The following DNAJC1 variants were observed in gnomAD, a reference collection of about 807,000 sequenced individuals.
DNAJC1 encodes DnaJ heat shock protein family (Hsp40) member C1, also known as dnaJ homolog subfamily C member 1.
Under a neutral mutation model 76.6 loss-of-function variants are expected in DNAJC1, and 58 were observed. The ratio of observed to expected loss-of-function variants is 0.76; its 90% CI spans 0.61 to 0.94. DNAJC1 has a LOEUF of 0.94. Among genes scored for constraint, DNAJC1 ranks in the 40% least tolerant of loss-of-function variants. The probability of loss-of-function intolerance (pLI) is 0.00; values close to 1 mark genes in which losing one functional copy is unlikely to be tolerated. For missense variants in DNAJC1, 689 were observed against 677.3 expected, an observed-to-expected ratio of 1.02 and a Z score of -0.19; for synonymous variants, 258 against 267.9, an observed-to-expected ratio of 0.96 and a Z score of 0.36.
At position 21,990,921 on chromosome 10, in the gene DNAJC1, G is replaced by A. The variant is rs1169174119; in HGVS notation, c.222+12292C>T. Among the ~76,000 whole-genome samples, 9 of 152,208 alleles carry A rather than the reference G, an allele frequency of 5.9e-5. No individual in the cohort carries two copies. In the South Asian group the frequency reaches 8.3e-4, roughly 14 times the overall value. On this transcript the variant is annotated intron_variant, in intron 1 of 11. Transcript: ENST00000376980. ...TACAAAAGGTAAAGGCAAAAAGATC[G>A]TTAATTAATCATTCAGTTCAAAGTA...
chr10:21,835,626 C>G (rs573265326), intron 8 of DNAJC1, among the ~76,000 whole-genome samples: 1 of 152,206 alleles, frequency 6.6e-6, no homozygotes, highest in South Asian at 2.1e-4. Flanking sequence ...CAGTGAAGTC[C>G]TTAAAGGACC....
intron 1 of DNAJC1, among the ~76,000 whole-genome samples, chr10:21,950,214 C>T (rs963480900): frequency 5.3e-5 from 8 of 152,174 alleles, no homozygotes; most frequent in African/African-American, 9.7e-5. Context: ...ATTTTTCCAA[C>T]AGCATGTATT....
chr10:21,960,304 C>T (rs1837766883), intron 1 of DNAJC1, among the ~76,000 whole-genome samples: 1 of 152,014 alleles, frequency 6.6e-6, no homozygotes, highest in Non-Finnish European at 1.5e-5. Flanking sequence ...CAGGAAAGAA[C>T]AGAATCAAAA....
chr10:21,810,831 C>T (rs1186070887), intron 8 of DNAJC1, among the ~76,000 whole-genome samples: 1 of 152,122 alleles, frequency 6.6e-6, no homozygotes, highest in African/African-American at 2.4e-5. Context: ...ACTAAGGACC[C>T]ATACCCAATA....
chr10:21,898,010 A>C (rs1185247678), intron 7 of DNAJC1, among the ~76,000 whole-genome samples: 3 of 152,246 alleles, frequency 2.0e-5, no homozygotes, highest in African/African-American at 7.2e-5. Flanking sequence ...ACTAATAAGT[A>C]AATTCAGCAA....
At chr10:21,911,040 A>AAAGGAAGGAAGGAAGGAAGGAAGG (rs56239918) in intron 6 of DNAJC1, among the ~76,000 whole-genome samples, 1 of 130,026 alleles carries the variant, frequency 7.7e-6, no homozygotes, top group African/African-American at 3.0e-5. Flanking sequence ...AAAGAGAGAG[A>AAAGGAAGGAAGGAAGGAAGGAAGG]AAGGAAGGAA....
At chr10:21,865,826 C>A (rs1215257022) in intron 8 of DNAJC1, 1 of 151,914 alleles carries the variant, frequency 6.6e-6, no homozygotes, top group Non-Finnish European at 1.5e-5. Context: ...ACATGAAGTA[C>A]AAATGGAATA....
At chr10:21,975,546 C>T (rs1199276186) in intron 1 of DNAJC1, among the ~76,000 whole-genome samples, 1 of 152,142 alleles carries the variant, frequency 6.6e-6, no homozygotes, top group African/African-American at 2.4e-5. Flanking sequence ...CTTAGCAACT[C>T]TGTTTACACA....
intron 9 of DNAJC1, among the ~76,000 whole-genome samples, chr10:21,790,998 T>C (rs372418419): frequency 6.6e-6 from 1 of 151,826 alleles, no homozygotes; most frequent in Non-Finnish European, 1.5e-5. Context: ...ACTTCACTTA[T>C]AAAGACACAT....
intron 9 of DNAJC1, among the ~76,000 whole-genome samples, chr10:21,772,794 T>C (rs1834403152): frequency 6.6e-6 from 1 of 152,014 alleles, no homozygotes; most frequent in Non-Finnish European, 1.5e-5. Context: ...TGAGATTGGG[T>C]AATTTATAAA....
In DNAJC1 at chr10:21,759,189, C is replaced by T. The variant is rs199787384; in HGVS notation, c.1577G>A (p.Cys526Tyr). The change falls in exon 11 of 12, where the codon TGT (cysteine) becomes TAT (tyrosine). Residue 526 changes from cysteine to tyrosine, a missense_variant. Coordinates refer to ENST00000376980, the MANE Select transcript of DNAJC1 (RefSeq NM_022365.4). ...ACTCACCTTGCTCTTGGACGGGACA[C>T]ATCTGGCTATTTTGTCCCAGCGGTC... is the stretch of plus-strand genomic sequence containing the variant. ...SSDRWDKIAR[C>Y]VPSKSKEDCI... The T allele has an allele frequency of 1.7e-5, 28 of 1,613,904 alleles. No individual in the cohort carries two copies. In the East Asian group the frequency reaches 3.6e-4, roughly 21 times the overall value.
At position 21,918,694 on chromosome 10, in the gene DNAJC1, T is replaced by C. The variant is rs141399010; in HGVS notation, c.729+85A>G. 4.2e-5 allele frequency: 41 copies of C among 984,792 alleles called. No individual in the cohort carries two copies. In the African/African-American group the frequency reaches 5.2e-4, roughly 13 times the overall value. 61.0% of individuals were successfully genotyped at this position (984,792 alleles called of 1,614,324 possible). A position where few individuals can be genotyped will look rare whatever the true frequency, so the allele number is the denominator to read the frequency against. Reference sequence around the variant, plus strand: ...ATAAAGCATCCACTGCATATCAGCATTCAGAGAGCCGACATGGGCATAAAT... The same window carrying C: ...ATAAAGCATCCACTGCATATCAGCACTCAGAGAGCCGACATGGGCATAAAT... On this transcript the variant is annotated intron_variant, in intron 6 of 11. Coordinates refer to ENST00000376980, the MANE Select transcript of DNAJC1 (RefSeq NM_022365.4).
At chr10:21,780,465 T>G (rs916419731) in intron 9 of DNAJC1, among the ~76,000 whole-genome samples, 5 of 152,196 alleles carry the variant, frequency 3.3e-5, no homozygotes, top group Non-Finnish European at 5.9e-5. Flanking sequence ...AAAAGAATTT[T>G]CAACCCAGAA....
At chr10:21,891,485 AAAAAAAAAAAGAAAAG>A (rs1028664568) in intron 7 of DNAJC1, among the ~76,000 whole-genome samples, 14 of 150,202 alleles carry the variant, frequency 9.3e-5, no homozygotes, top group African/African-American at 3.2e-4. Flanking sequence ...ACAAAAAAAA[AAAAAAAAAAAGAAAAG>A]AAAAAAAAAA....
At chr10:21,994,970 G>C (rs371293699) in intron 1 of DNAJC1, among the ~76,000 whole-genome samples, 1 of 148,154 alleles carries the variant, frequency 6.7e-6, no homozygotes, top group Non-Finnish European at 1.5e-5. Context: ...GTTAACTTCC[G>C]CAAATCAAAC....
chr10:21,940,960 C>G (rs886308771), intron 1 of DNAJC1, among the ~76,000 whole-genome samples: 1 of 151,632 alleles, frequency 6.6e-6, no homozygotes, highest in African/African-American at 2.4e-5. Context: ...ATTTAAGAGA[C>G]AGAACAACTG....
chr10:21,848,653 A>G (rs1294469395), intron 8 of DNAJC1, among the ~76,000 whole-genome samples: 1 of 152,208 alleles, frequency 6.6e-6, no homozygotes, highest in Non-Finnish European at 1.5e-5. Flanking sequence ...ACATCTACAG[A>G]ACAATCCATC....
intron 7 of DNAJC1, among the ~76,000 whole-genome samples, chr10:21,902,380 C>G (rs1171089760): frequency 6.6e-6 from 1 of 152,152 alleles, no homozygotes; most frequent in Non-Finnish European, 1.5e-5. Context: ...TCTCGACTCA[C>G]TGCAATGTCT....
intron 9 of DNAJC1, chr10:21,804,084 T>G: frequency 4.2e-5 from 17 of 405,122 alleles, no homozygotes; most frequent in South Asian, 3.1e-4. Context: ...AAGTATATAC[T>G]AGGATCTATG....
Sources: gnomAD v4.1 joint callset for allele counts (sites outside exome capture counted in the v4.1 genomes callset) on GRCh38, gnomAD v4.1.1 for gene constraint, MANE v1.5 for transcripts, NCBI Gene and HGNC (gene_info 2026-07-23, HGNC 2026-07-21) for gene names.